FOXJ3: variants seen among roughly 807,000 people sequenced by gnomAD.
The protein encoded by FOXJ3 is forkhead box J3.
In FOXJ3, 22 loss-of-function variants were observed where a neutral mutation model predicts 76.1. The observed-to-expected ratio is 0.29, with a 90% CI of 0.21 to 0.41. The LOEUF (loss-of-function observed/expected upper bound fraction) is 0.41. FOXJ3 is among the 10% of genes least tolerant of loss of function. The pLI, the probability that FOXJ3 is intolerant of heterozygous loss-of-function variation, is 1.00. For missense variants in FOXJ3, 613 were observed against 762.1 expected, an observed-to-expected ratio of 0.80 and a Z score of 2.30; for synonymous variants, 269 against 261.2, an observed-to-expected ratio of 1.03 and a Z score of -0.29.
At chr1:42,286,585 T>G (rs1350315010) in intron 2 of FOXJ3, among the ~76,000 whole-genome samples, 1 of 152,226 alleles carries the variant, frequency 6.6e-6, no homozygotes, top group East Asian at 1.9e-4. Context: ...CTGCTCATAT[T>G]GTTATCAAGT....
chr1:42,281,787 G>A (rs188590875), intron 2 of FOXJ3, among the ~76,000 whole-genome samples: 2 of 152,270 alleles, frequency 1.3e-5, no homozygotes, highest in East Asian at 1.9e-4. Context: ...GGGCGGGTGC[G>A]GTGGCTCATG....
At chr1:42,222,603 A>C (rs1379074334) in intron 5 of FOXJ3, among the ~76,000 whole-genome samples, 1 of 152,190 alleles carries the variant, frequency 6.6e-6, no homozygotes, top group Non-Finnish European at 1.5e-5. Context: ...TTATAATGCA[A>C]ATTAACTTCA....
rs1334837264 is a variant in FOXJ3, at chr1:42,335,181, A to AGCG, written c.-143_-141dup. 1 of 152,148 alleles carries AGCG rather than the reference A, an allele frequency of 6.6e-6. No individual in the cohort carries two copies. Among genetic ancestry groups the AGCG allele is most frequent in the East Asian group, 1.9e-4 (1 of 5,136 alleles). 9.4% of individuals were successfully genotyped at this position (152,148 alleles called of 1,614,324 possible). ...GGTCGAGGCCCCGAGCAGCCCCGAG[A>AGCG]GCGGCGGCGGCAGCAAGAGCAGCCA... On this transcript the variant is annotated 5_prime_UTR_variant, in exon 1 of 13. Transcript: ENST00000361346.
intron 4 of FOXJ3, among the ~76,000 whole-genome samples, chr1:42,256,763 G>C (rs1168309170): frequency 6.6e-6 from 1 of 152,156 alleles, no homozygotes; most frequent in Non-Finnish European, 1.5e-5. Flanking sequence ...CAGAAAACTT[G>C]TTTAAGAATT....
chr1:42,177,032 T>C lies in FOXJ3; in HGVS notation c.*2678A>G, dbSNP rs1338581276. 6.6e-6 allele frequency: 1 copy of C among 152,670 alleles called. No homozygotes were observed. The highest frequency in any genetic ancestry group is 1.5e-5 in the Non-Finnish European group (1 of 68,050). The allele number at this position is 152,670 out of a possible 1,614,324, so 9.5% of individuals were successfully genotyped here. A position where few individuals can be genotyped will look rare whatever the true frequency, so the allele number is the denominator to read the frequency against. ...ATTTGTTTACATGCATTTACTATTCTTTCCCCCTAAAGTCTTCAGTCAATT... is the reference window on the plus strand; with the variant it reads ...ATTTGTTTACATGCATTTACTATTCCTTCCCCCTAAAGTCTTCAGTCAATT... On this transcript the variant is annotated 3_prime_UTR_variant, in exon 13 of 13. Transcript: ENST00000361346.
At position 42,323,625 on chromosome 1, in the gene FOXJ3, A is replaced by T. The variant is rs1043799169; in HGVS notation, c.-18+11434T>A. 26 of 789,220 alleles carry T rather than the reference A, an allele frequency of 3.3e-5. No homozygotes were observed. In the African/African-American group the frequency reaches 4.5e-4, roughly 14 times the overall value. 48.9% of individuals were successfully genotyped at this position (789,220 alleles called of 1,614,324 possible). Reference sequence around the variant, plus strand: ...AAAAAACACTCCCTCTTCTCAGTAAACCCATAGCTCTTAGTATCTGTACCC... The same window carrying T: ...AAAAAACACTCCCTCTTCTCAGTAATCCCATAGCTCTTAGTATCTGTACCC... On this transcript the variant is annotated intron_variant, in intron 1 of 12. Coordinates refer to ENST00000361346, the MANE Select transcript of FOXJ3 (RefSeq NM_014947.5).
intron 4 of FOXJ3, among the ~76,000 whole-genome samples, chr1:42,243,815 C>G (rs1300758997): frequency 6.6e-6 from 1 of 152,136 alleles, no homozygotes; most frequent in Non-Finnish European, 1.5e-5. Flanking sequence ...GCACTTAGAA[C>G]AAAAGGACCT....
At chr1:42,329,291 T>G (rs1490050831) in intron 1 of FOXJ3, among the ~76,000 whole-genome samples, 1 of 152,244 alleles carries the variant, frequency 6.6e-6, no homozygotes, top group African/African-American at 2.4e-5. Context: ...TAACAAATTC[T>G]ATTAAATCAA....
intron 4 of FOXJ3, among the ~76,000 whole-genome samples, chr1:42,229,485 T>C (rs1401380088): frequency 2.0e-5 from 3 of 152,208 alleles, no homozygotes; most frequent in Non-Finnish European, 4.4e-5. Flanking sequence ...TACATGTCAG[T>C]GTACACTGTT....
intron 11 of FOXJ3, among the ~76,000 whole-genome samples, chr1:42,186,293 T>C (rs1043885067): frequency 3.3e-5 from 5 of 152,062 alleles, no homozygotes; most frequent in Admixed American, 3.3e-4. Flanking sequence ...AAGTGATGAA[T>C]ACTTGGAGCA....
intron 12 of FOXJ3, among the ~76,000 whole-genome samples, chr1:42,180,186 A>G (rs1400442329): frequency 6.6e-6 from 1 of 152,240 alleles, no homozygotes; most frequent in Non-Finnish European, 1.5e-5. Flanking sequence ...TTTCAGTAAC[A>G]TGAATTGGCT....
chr1:42,258,248 A>T (rs2124603408), intron 4 of FOXJ3, among the ~76,000 whole-genome samples: 1 of 152,200 alleles, frequency 6.6e-6, no homozygotes, highest in Admixed American at 6.5e-5. Flanking sequence ...TATTTTGGCA[A>T]TCCAACTTCA....
intron 5 of FOXJ3, among the ~76,000 whole-genome samples, chr1:42,219,742 C>A (rs1357649993): frequency 1.3e-5 from 2 of 152,096 alleles, no homozygotes; most frequent in Non-Finnish European, 2.9e-5. Flanking sequence ...GTGTTTGACA[C>A]AAAGAAAGAC....
intron 2 of FOXJ3, among the ~76,000 whole-genome samples, chr1:42,300,083 C>A (rs1428238510): frequency 6.6e-6 from 1 of 151,946 alleles, no homozygotes; most frequent in Middle Eastern, 3.2e-3. Flanking sequence ...ACCTGTAGTC[C>A]CAGCCACTAG....
chr1:42,207,755 C>T (rs1393563240), intron 5 of FOXJ3, among the ~76,000 whole-genome samples: 2 of 152,166 alleles, frequency 1.3e-5, no homozygotes, highest in South Asian at 2.1e-4. Flanking sequence ...AATCAACCTT[C>T]GGGCAGAGAA....
chr1:42,298,597 T>A (rs775844575), intron 2 of FOXJ3, among the ~76,000 whole-genome samples: 2 of 152,168 alleles, frequency 1.3e-5, no homozygotes, highest in Non-Finnish European at 2.9e-5. Flanking sequence ...ATTTTGTGTA[T>A]CCTTTCAAAG....
chr1:42,218,463 A>G (rs2124404324), intron 5 of FOXJ3, among the ~76,000 whole-genome samples: 1 of 152,326 alleles, frequency 6.6e-6, no homozygotes, highest in South Asian at 2.1e-4. Context: ...AAGCTGGATA[A>G]TTGTAGATAA....
chr1:42,312,725 G>A (rs1460063670), intron 1 of FOXJ3, among the ~76,000 whole-genome samples: 2 of 152,236 alleles, frequency 1.3e-5, no homozygotes, highest in Non-Finnish European at 2.9e-5. Flanking sequence ...ATTATGCCAA[G>A]CACTATGAAT....
intron 12 of FOXJ3, among the ~76,000 whole-genome samples, chr1:42,180,469 C>T (rs532475216): frequency 9.2e-5 from 14 of 152,266 alleles, no homozygotes; most frequent in African/African-American, 3.4e-4. Flanking sequence ...ACAGACCCCC[C>T]CCTTCTAAAC....
Sources: allele counts gnomAD v4.1 joint callset (sites outside exome capture counted in the v4.1 genomes callset), GRCh38; gene constraint gnomAD v4.1.1; transcripts MANE v1.5; gene names NCBI Gene and HGNC (gene_info 2026-07-23, HGNC 2026-07-21).